UBR2: variants seen among roughly 807,000 people sequenced by gnomAD.
The protein encoded by UBR2 is E3 ubiquitin-protein ligase UBR2.
In UBR2, 92 loss-of-function variants were observed where a neutral mutation model predicts 247.9. That is an observed-to-expected ratio of 0.37 (90% CI 0.31 to 0.44). The LOEUF is 0.44. UBR2 is among the 20% of genes least tolerant of loss of function. The pLI is 1.00. For missense variants in UBR2, 1,613 were observed against 2,112.6 expected (o/e 0.76, Z 4.64); for synonymous variants, 672 against 693.5 (o/e 0.97, Z 0.49).
intron 4 of UBR2, among the ~76,000 whole-genome samples, chr6:42,601,997 G>C (rs1793407582): frequency 1.0e-5 from 1 of 96,896 alleles, no homozygotes; most frequent in Non-Finnish European, 2.3e-5. Context: ...AGCCTCCTAA[G>C]TAGCTGGGAT....
At chr6:42,670,573 A>G (rs1798368253) in intron 35 of UBR2, 87 bp from the exon 36 acceptor site, 2 of 895,010 alleles carry the variant, frequency 2.2e-6, no homozygotes, top group Non-Finnish European at 3.3e-6. Context: ...TTTCTGTAGG[A>G]TTGGGGTTTT....
Position 42,655,570 on chromosome 6 carries a change from T to C in UBR2, c.2770-51T>C, listed in dbSNP as rs371419656. On this transcript the variant is annotated intron_variant, in intron 25 of 46. Coordinates refer to ENST00000372901, the MANE Select transcript of UBR2 (RefSeq NM_001363705.2). ...TTTTTTCCTATTTCTTATTAAAATA[T>C]GTACTTGATTTTTTAAATTTTTACT... 7.9e-6 allele frequency: 8 copies of C among 1,015,166 alleles called. No individual in the cohort carries two copies. In the African/African-American group the frequency reaches 1.0e-4, roughly 13 times the overall value. 62.9% of individuals were successfully genotyped at this position (1,015,166 alleles called of 1,614,324 possible).
chr6:42,639,510 A>C (rs546440972), intron 15 of UBR2, among the ~76,000 whole-genome samples: 9 of 152,302 alleles, frequency 5.9e-5, no homozygotes, highest in Admixed American at 5.9e-4. Context: ...AGGCAGGAGA[A>C]TCGCTTGAAC....
intron 5 of UBR2, among the ~76,000 whole-genome samples, chr6:42,605,438 G>A (rs1289271660): frequency 6.6e-6 from 1 of 152,134 alleles, no homozygotes; most frequent in Non-Finnish European, 1.5e-5. Context: ...CTGACTTCAG[G>A]TCTCAGATTA....
rs150761198 is a variant in UBR2, at chr6:42,668,607, T to C, written c.3882-1485T>C. ...GACATGAGCTGCCACACCTGGCTAA[T>C]TTTTGTATTTTTAGTAGAGACAGGG... is the stretch of plus-strand genomic sequence containing the variant. On this transcript the variant is annotated intron_variant, in intron 34 of 46. Coordinates refer to ENST00000372901, the MANE Select transcript of UBR2 (RefSeq NM_001363705.2). Among the ~76,000 whole-genome samples the C allele has an allele frequency of 6.0e-3, 914 of 152,082 alleles. 12 individuals carry two copies. The highest frequency in any genetic ancestry group is 0.021 in the African/African-American group (871 of 41,468).
intron 2 of UBR2, among the ~76,000 whole-genome samples, chr6:42,590,531 G>A (rs1012756417): frequency 2.6e-5 from 4 of 152,078 alleles, no homozygotes; most frequent in African/African-American, 9.7e-5. Context: ...AAAAATACCA[G>A]GCAAATAATA....
At chr6:42,630,913 T>C (rs552542314) in intron 11 of UBR2, among the ~76,000 whole-genome samples, 7 of 151,850 alleles carry the variant, frequency 4.6e-5, no homozygotes, top group Non-Finnish European at 7.4e-5. Context: ...CTCAGGTGAT[T>C]TTCCCACCTC....
At chr6:42,678,694 G>A (rs775917422) in intron 41 of UBR2, 25 bp downstream of exon 41, 26 of 1,597,926 alleles carry the variant, frequency 1.6e-5, no homozygotes, top group African/African-American at 5.4e-5. Flanking sequence ...CTTTCAAAAC[G>A]TAGGGAGAGT....
At chr6:42,582,742 T>G (rs1449712402) in intron 2 of UBR2, among the ~76,000 whole-genome samples, 1 of 152,186 alleles carries the variant, frequency 6.6e-6, no homozygotes, top group Non-Finnish European at 1.5e-5. Context: ...AATAACCTCA[T>G]TTAAATTTAA....
Position 42,645,536 on chromosome 6 carries a change from G to A in UBR2, c.2355G>A (p.Gln785=). 6.2e-7 allele frequency: 1 copy of A among 1,613,782 alleles called. No homozygotes were observed. Residue 785 remains glutamine, a synonymous_variant, in exon 21 of 47, where the codon CAG becomes CAA. Transcript: ENST00000372901. ...TDEIKREIIH[Q]LSIKPMAHSE... is the part of the protein sequence containing the mutation. ...AAATCAAGCGAGAGATTATCCATCA[G>A]TTGAGTATCAAGCCTATGGCTCATA...
At chr6:42,632,189 G>A (rs529244584) in intron 11 of UBR2, among the ~76,000 whole-genome samples, 27 of 151,044 alleles carry the variant, frequency 1.8e-4, no homozygotes, top group Non-Finnish European at 3.4e-4. Flanking sequence ...AATCTGTGTC[G>A]TAAACCTCTG....
intron 26 of UBR2, 88 bp from the exon 27 acceptor site, chr6:42,657,936 A>T (rs934549978): frequency 5.3e-6 from 5 of 935,294 alleles, no homozygotes; most frequent in African/African-American, 5.0e-5. Flanking sequence ...TAGGTGTTAT[A>T]AGCAACTGCA....
At chr6:42,614,491 T>C (rs996316534) in intron 8 of UBR2, among the ~76,000 whole-genome samples, 3 of 148,998 alleles carry the variant, frequency 2.0e-5, no homozygotes, top group African/African-American at 7.4e-5. Flanking sequence ...GTTATTTTAA[T>C]GCTTATATTA....
chr6:42,603,965 C>T (rs571363463), intron 5 of UBR2, among the ~76,000 whole-genome samples: 1 of 152,242 alleles, frequency 6.6e-6, no homozygotes, highest in African/African-American at 2.4e-5. Flanking sequence ...TGGTTTCAGG[C>T]ATAACCAGTT....
intron 41 of UBR2, among the ~76,000 whole-genome samples, chr6:42,678,895 C>T (rs1200958339): frequency 2.0e-5 from 3 of 152,144 alleles, no homozygotes; most frequent in Non-Finnish European, 2.9e-5. Flanking sequence ...GTTTTTACAC[C>T]TGCAAAGCCC....
chr6:42,691,360 C>T lies in UBR2; in HGVS notation c.*187C>T. ...TCAGCAGATTTTCTTGCACTGTTTGCTGTGCCCCTCAAATATAATGTCTTG... is the reference window on the plus strand; with the variant it reads ...TCAGCAGATTTTCTTGCACTGTTTGTTGTGCCCCTCAAATATAATGTCTTG... On this transcript the variant is annotated 3_prime_UTR_variant, in exon 47 of 47. Transcript: ENST00000372901. The T allele has an allele frequency of 1.4e-6, 1 of 724,346 alleles. No homozygotes were observed. 44.9% of individuals were successfully genotyped at this position (724,346 alleles called of 1,614,324 possible). A position where few individuals can be genotyped will look rare whatever the true frequency, so the allele number is the denominator to read the frequency against.
At position 42,692,178 on chromosome 6, in the gene UBR2, A is replaced by T. The variant is rs1317056934; in HGVS notation, c.*1005A>T. On this transcript the variant is annotated 3_prime_UTR_variant, in exon 47 of 47. Transcript: ENST00000372901. Reference sequence around the variant, plus strand: ...AATTTTCTTATCTGTATTCTTTTAGAATACCCTAATGTTTCAGACAGTGAT... The same window carrying T: ...AATTTTCTTATCTGTATTCTTTTAGTATACCCTAATGTTTCAGACAGTGAT... The T allele has an allele frequency of 6.6e-6, 1 of 152,166 alleles. No individual in the cohort carries two copies. Among genetic ancestry groups the T allele is most frequent in the Non-Finnish European group, 1.5e-5 (1 of 68,026 alleles). The allele number at this position is 152,166 out of a possible 1,614,324, so 9.4% of individuals were successfully genotyped here.
intron 18 of UBR2, among the ~76,000 whole-genome samples, chr6:42,643,103 A>G (rs1050216609): frequency 2.0e-5 from 3 of 151,858 alleles, no homozygotes; most frequent in Non-Finnish European, 4.4e-5. Flanking sequence ...TTTTGTGAGG[A>G]CCCTAGCATG....
intron 2 of UBR2, among the ~76,000 whole-genome samples, chr6:42,582,212 G>A (rs1436622261): frequency 1.3e-5 from 2 of 149,944 alleles, no homozygotes; most frequent in African/African-American, 2.5e-5. Context: ...GAACCCGGGA[G>A]GTGGAGCTTG....
Sources: gnomAD v4.1 joint callset for allele counts (sites outside exome capture counted in the v4.1 genomes callset) on GRCh38, gnomAD v4.1.1 for gene constraint, MANE v1.5 for transcripts, NCBI Gene and HGNC (gene_info 2026-07-23, HGNC 2026-07-21) for gene names.